Variants in SLC35D1 observed in about 807,000 individuals in gnomAD.
SLC35D1 encodes nucleotide sugar transporter SLC35D1.
Under a neutral mutation model 46.7 loss-of-function variants are expected in SLC35D1, and 31 were observed. The ratio of observed to expected loss-of-function variants is 0.66; its 90% CI spans 0.50 to 0.90. SLC35D1 has a LOEUF of 0.90. SLC35D1 is among the 40% of genes least tolerant of loss of function. SLC35D1 has a pLI of 0.00. For missense variants in SLC35D1, 397 were observed against 426.2 expected, an observed-to-expected ratio of 0.93 and a Z score of 0.60; for synonymous variants, 195 against 164.6, an observed-to-expected ratio of 1.18 and a Z score of -1.41.
chr1:67,040,106 C>A (rs1388536134), intron 8 of SLC35D1, among the ~76,000 whole-genome samples: 1 of 151,916 alleles, frequency 6.6e-6, no homozygotes, highest in Non-Finnish European at 1.5e-5. Context: ...GCGATCCTCC[C>A]ACCTCAGCCT....
Position 67,053,875 on chromosome 1 carries a change from C to T in SLC35D1, c.139G>A (p.Gly47Ser), listed in dbSNP as rs866006824. ...LTVFLKLLAA[G>S]FYGVSSFLIV... ...AGGAAGGAGCTCACGCCGTAAAAGC[C>T]GGCGGCCAGCAGCTTCAGAAACACG... Residue 47 changes from glycine (G) to serine (S), a missense_variant, in exon 1 of 12, where the codon GGC (glycine) becomes AGC (serine). Physicochemically the swap from Gly to Ser is moderately conservative, Grantham distance 56 (BLOSUM62 0). Coordinates refer to ENST00000235345, the MANE Select transcript of SLC35D1 (RefSeq NM_015139.3). 29 of 1,613,596 alleles carry T rather than the reference C, an allele frequency of 1.8e-5. No homozygotes were observed. The African/African-American group carries it at 2.1e-4, about 12-fold the overall frequency.
At chr1:66,994,790 T>A (rs1239946928), downstream of SLC35D1, among the ~76,000 whole-genome samples, 2 of 152,030 alleles carry the variant, frequency 1.3e-5, no homozygotes, top group Non-Finnish European at 2.9e-5. Context: ...AAACCTGTTT[T>A]CAATATAGGC....
At chr1:66,978,931 T>G in the SLC35D1 span, among the ~76,000 whole-genome samples, 4 of 152,252 alleles carry the variant, frequency 2.6e-5, no homozygotes, top group African/African-American at 9.6e-5. Flanking sequence ...GTAACTTTAA[T>G]GACTCTTAAG....
At chr1:67,046,208 T>C (rs1645249098) in intron 7 of SLC35D1, among the ~76,000 whole-genome samples, 1 of 151,906 alleles carries the variant, frequency 6.6e-6, no homozygotes, top group Non-Finnish European at 1.5e-5. Context: ...CCTACTGGGA[T>C]AGACATTGAA....
chr1:67,039,610 T>G (rs951210041), intron 8 of SLC35D1, among the ~76,000 whole-genome samples: 1 of 152,162 alleles, frequency 6.6e-6, no homozygotes, highest in Non-Finnish European at 1.5e-5. Context: ...CTTTTTCATT[T>G]AACCATTTAT....
At chr1:66,984,472 C>A in the SLC35D1 span, 1 of 856,738 alleles carries the variant, frequency 1.2e-6, no homozygotes, top group African/African-American at 1.7e-5. Flanking sequence ...GTATTTGATA[C>A]CTTGCTTCCT....
chr1:67,040,347 C>T lies in SLC35D1; in HGVS notation c.729+1889G>A, dbSNP rs546535023. Among the ~76,000 whole-genome samples the T allele has an allele frequency of 2.0e-5, 3 of 152,214 alleles. No individual in the cohort carries two copies. In the South Asian group the frequency reaches 6.2e-4, roughly 32 times the overall value. On this transcript the variant is annotated intron_variant, in intron 8 of 11. Coordinates refer to ENST00000235345, the MANE Select transcript of SLC35D1 (RefSeq NM_015139.3). ...CTACCTGCAGAGTAAATGTCAAATT[C>T]TTGTGTCTAGCATTGGTCCTAATTT...
chr1:66,984,365 T>G, the SLC35D1 span, among the ~76,000 whole-genome samples: 72 of 152,330 alleles, frequency 4.7e-4, no homozygotes, highest in Admixed American at 2.4e-3. Context: ...ATTATGATCT[T>G]CATTGTATAT....
chr1:67,051,572 C>G (rs1266558407), intron 4 of SLC35D1, among the ~76,000 whole-genome samples: 1 of 152,120 alleles, frequency 6.6e-6, no homozygotes, highest in Non-Finnish European at 1.5e-5. Context: ...CTGATGTTAC[C>G]TTACTTCACA....
At chr1:67,012,891 G>C (rs1219679971) in intron 10 of SLC35D1, among the ~76,000 whole-genome samples, 2 of 151,856 alleles carry the variant, frequency 1.3e-5, no homozygotes, top group African/African-American at 4.8e-5. Flanking sequence ...ACTTTTTGGG[G>C]TACCCATTCA....
intron 10 of SLC35D1, among the ~76,000 whole-genome samples, chr1:67,018,248 TAAC>T (rs1382096659): frequency 2.0e-5 from 3 of 152,118 alleles, no homozygotes; most frequent in Admixed American, 6.6e-5. Flanking sequence ...AAGTATCATG[TAAC>T]AACAAGGCTA....
intron 10 of SLC35D1, among the ~76,000 whole-genome samples, chr1:67,011,112 T>G (rs1054096047): frequency 1.3e-5 from 2 of 152,156 alleles, no homozygotes; most frequent in Non-Finnish European, 2.9e-5. Flanking sequence ...TTTTGCCCAA[T>G]CTAAGCCCCC....
intron 11 of SLC35D1, among the ~76,000 whole-genome samples, 178 bp from the exon 12 acceptor site, chr1:67,004,626 T>C (rs1237274150): frequency 1.3e-5 from 2 of 152,144 alleles, no homozygotes; most frequent in African/African-American, 4.8e-5. Flanking sequence ...TAAACAGGCA[T>C]TGACACATTA....
Position 67,004,388 on chromosome 1 carries a change from C to T in SLC35D1, c.1020G>A (p.Gln340=). ...ITFTEEQLSK[Q]SEANNKLDIK... ...TGTCCAGCTTGTTATTAGCCTCTGA[C>T]TGTTTGCTCAGCTGCTCTTCAGTGA... Residue 340 remains glutamine (Q), a synonymous_variant, in exon 12 of 12, where the codon CAG becomes CAA. Coordinates refer to ENST00000235345, the MANE Select transcript of SLC35D1 (RefSeq NM_015139.3). 3 of 1,614,080 alleles carry T rather than the reference C, an allele frequency of 1.9e-6. No homozygotes were observed. Among genetic ancestry groups the T allele is most frequent in the Non-Finnish European group, 2.5e-6 (3 of 1,179,962 alleles).
downstream of SLC35D1, among the ~76,000 whole-genome samples, chr1:66,997,279 G>A (rs530035379): frequency 6.6e-6 from 1 of 152,114 alleles, no homozygotes; most frequent in African/African-American, 2.4e-5. Flanking sequence ...GGGAGACCCA[G>A]GCAGGCAGAT....
intron 10 of SLC35D1, 150 bp downstream of exon 10, chr1:67,020,219 T>C (rs775450486): frequency 3.4e-5 from 22 of 645,720 alleles, no homozygotes; most frequent in Non-Finnish European, 5.7e-5. Context: ...TTAAAGAATA[T>C]TTCAGAAACT....
the SLC35D1 span, among the ~76,000 whole-genome samples, chr1:66,977,387 G>A: frequency 6.6e-6 from 1 of 152,222 alleles, no homozygotes; most frequent in Admixed American, 6.5e-5. Flanking sequence ...TGGGATTACA[G>A]GAGTGAGCCA....
At chr1:67,049,288 C>T (rs572736561) in intron 6 of SLC35D1, among the ~76,000 whole-genome samples, 3 of 149,394 alleles carry the variant, frequency 2.0e-5, no homozygotes, top group Non-Finnish European at 4.4e-5. Flanking sequence ...AGCAAGACTC[C>T]GTCTCAAAAA....
At chr1:67,033,130 T>C (rs1483206995) in intron 8 of SLC35D1, among the ~76,000 whole-genome samples, 1 of 152,242 alleles carries the variant, frequency 6.6e-6, no homozygotes, top group African/African-American at 2.4e-5. Flanking sequence ...CACATTTTCT[T>C]TATCCATTCA....
Sources: gnomAD v4.1 joint callset for allele counts (sites outside exome capture counted in the v4.1 genomes callset) on GRCh38, gnomAD v4.1.1 for gene constraint, MANE v1.5 for transcripts, NCBI Gene and HGNC (gene_info 2026-07-23, HGNC 2026-07-21) for gene names.